C11orf65: variants seen among roughly 807,000 people sequenced by gnomAD.
The protein encoded by C11orf65 is chromosome 11 open reading frame 65.
Under a neutral mutation model 35.3 loss-of-function variants are expected in C11orf65, and 38 were observed. That is an observed-to-expected ratio of 1.08 (90% CI 0.83 to 1.41). The LOEUF (loss-of-function observed/expected upper bound fraction) is 1.41. Among genes scored for constraint, C11orf65 ranks in the 40% most tolerant of loss-of-function variants. The pLI, the probability that C11orf65 is intolerant of heterozygous loss-of-function variation, is 0.00. For missense variants in C11orf65, 370 were observed against 367.1 expected (o/e 1.01, Z -0.06); for synonymous variants, 105 against 114.4 (o/e 0.92, Z 0.53).
chr11:108,358,197 G>A (rs1002530239), intron 2 of C11orf65, among the ~76,000 whole-genome samples: 50 of 151,466 alleles, frequency 3.3e-4, no homozygotes, highest in African/African-American at 6.3e-4. Context: ...GGGTATCAGC[G>A]ATGGAAGATG....
chr11:108,407,667 G>A (rs1412028301), intron 3 of C11orf65, among the ~76,000 whole-genome samples: 6 of 151,150 alleles, frequency 4.0e-5, no homozygotes, highest in Admixed American at 2.6e-4. Context: ...TTATGAGGCC[G>A]GGCATGGTGG....
chr11:108,390,844 T>G (rs1427088314), intron 7 of C11orf65, among the ~76,000 whole-genome samples: 1 of 152,212 alleles, frequency 6.6e-6, no homozygotes, highest in Non-Finnish European at 1.5e-5. Flanking sequence ...TTGGGGTTAT[T>G]GAATCATAGC....
chr11:108,396,101 G>C (rs1211244852), intron 6 of C11orf65, among the ~76,000 whole-genome samples: 1 of 151,670 alleles, frequency 6.6e-6, no homozygotes, highest in Non-Finnish European at 1.5e-5. Context: ...ATTTTAAACG[G>C]ATAATGATCC....
intron 2 of C11orf65, chr11:108,347,257 T>A: frequency 6.6e-7 from 1 of 1,520,186 alleles, no homozygotes; most frequent in Non-Finnish European, 9.1e-7. Context: ...GATTTCAGAT[T>A]GTTTGTTTCT....
intron 2 of C11orf65, among the ~76,000 whole-genome samples, chr11:108,438,429 T>C (rs191671618): frequency 2.0e-5 from 3 of 151,924 alleles, no homozygotes; most frequent in East Asian, 1.9e-4. Context: ...CGCACTCCTG[T>C]AGTCCCAGCT....
At chr11:108,352,329 T>C (rs928852527) in intron 2 of C11orf65, among the ~76,000 whole-genome samples, 34 of 152,122 alleles carry the variant, frequency 2.2e-4, no homozygotes, top group Admixed American at 5.2e-4. Flanking sequence ...AGTATAGAAG[T>C]AGATATAAAG....
At chr11:108,456,245 A>G (rs2093410010) in intron 2 of C11orf65, among the ~76,000 whole-genome samples, 1 of 152,158 alleles carries the variant, frequency 6.6e-6, no homozygotes. Flanking sequence ...GATTTAAACA[A>G]TGGCACCACA....
intron 3 of C11orf65, among the ~76,000 whole-genome samples, chr11:108,427,710 A>G (rs1430831435): frequency 2.5e-5 from 2 of 79,044 alleles, no homozygotes; most frequent in African/African-American, 4.8e-5. Context: ...CGACAGAGCG[A>G]AACTCCGCCT....
chr11:108,406,012 C>G (rs563512923), intron 5 of C11orf65, among the ~76,000 whole-genome samples: 1 of 152,242 alleles, frequency 6.6e-6, no homozygotes, highest in South Asian at 2.1e-4. Flanking sequence ...TATTTTCCCC[C>G]TTCCAACTCA....
At chr11:108,310,777 G>C (rs2084088032) in intron 6 of C11orf65, among the ~76,000 whole-genome samples, 1 of 152,018 alleles carries the variant, frequency 6.6e-6, no homozygotes, top group Non-Finnish European at 1.5e-5. Context: ...ATTTATTTCT[G>C]TGACTAATTA....
chr11:108,386,766 C>T (rs1442403981), intron 7 of C11orf65, among the ~76,000 whole-genome samples: 1 of 152,076 alleles, frequency 6.6e-6, no homozygotes, highest in Non-Finnish European at 1.5e-5. Context: ...GGAGCTAGCA[C>T]AGAGAGGTGG....
rs544256317 is a variant in C11orf65, at chr11:108,351,702, C to G, written c.227-16410G>C. 2.6e-5 allele frequency among the ~76,000 whole-genome samples: 4 copies of G among 152,272 alleles called. No individual in the cohort carries two copies. In the East Asian group the frequency reaches 7.7e-4, roughly 29 times the overall value. On this transcript the variant is annotated intron_variant, in intron 2 of 3. Transcript: ENST00000524755. The stretch of plus-strand genomic sequence containing the variant: ...AGGGGAAGGAAGTGGAAGTTAAGGG[C>G]TAGGCCTGCAACTTGCACAGTATCA...
intron 6 of C11orf65, among the ~76,000 whole-genome samples, chr11:108,315,358 A>G (rs2084530531): frequency 6.6e-6 from 1 of 152,102 alleles, no homozygotes; most frequent in African/African-American, 2.4e-5. Context: ...TGCTGTGTAC[A>G]GTGTGTGTGT....
intron 2 of C11orf65, among the ~76,000 whole-genome samples, chr11:108,433,316 G>A (rs1025924751): frequency 2.6e-5 from 4 of 150,976 alleles, no homozygotes; most frequent in African/African-American, 7.3e-5. Flanking sequence ...AGTGGCTCAC[G>A]CCTATAATCC....
At chr11:108,442,749 A>G (rs1265342806) in intron 2 of C11orf65, among the ~76,000 whole-genome samples, 1 of 152,226 alleles carries the variant, frequency 6.6e-6, no homozygotes, top group Non-Finnish European at 1.5e-5. Flanking sequence ...AAGGAAAAAT[A>G]AAATACTTTA....
chr11:108,452,792 C>G (rs1198218761), intron 2 of C11orf65, among the ~76,000 whole-genome samples: 10 of 152,032 alleles, frequency 6.6e-5, no homozygotes, highest in Non-Finnish European at 1.3e-4. Context: ...AAATGTGGCA[C>G]ATACACACCA....
intron 6 of C11orf65, among the ~76,000 whole-genome samples, chr11:108,405,130 G>T (rs1387056884): frequency 6.6e-6 from 1 of 152,158 alleles, no homozygotes; most frequent in Non-Finnish European, 1.5e-5. Flanking sequence ...GCCTCTAATG[G>T]CGTTCACTCA....
intron 3 of C11orf65, among the ~76,000 whole-genome samples, chr11:108,420,445 GC>G: frequency 6.6e-6 from 1 of 152,080 alleles, no homozygotes; most frequent in Non-Finnish European, 1.5e-5. Context: ...TGCCACAATG[GC>G]TTCTAGACCC....
intron 2 of C11orf65, among the ~76,000 whole-genome samples, chr11:108,442,610 G>C (rs534985861): frequency 3.4e-4 from 52 of 152,310 alleles, no homozygotes; most frequent in African/African-American, 1.1e-3. Flanking sequence ...AAACCCATCA[G>C]AATAACAGCG....
Sources: gnomAD v4.1 joint callset for allele counts (sites outside exome capture counted in the v4.1 genomes callset) on GRCh38, gnomAD v4.1.1 for gene constraint, MANE v1.5 for transcripts, NCBI Gene and HGNC (gene_info 2026-07-23, HGNC 2026-07-21) for gene names.